CACNA2D3: variants seen among roughly 807,000 people sequenced by gnomAD.
CACNA2D3 encodes calcium voltage-gated channel auxiliary subunit alpha2delta 3.
CACNA2D3 carries 60 observed loss-of-function variants against 160.6 expected under a neutral mutation model. The ratio of observed to expected loss-of-function variants is 0.37; its 90% CI spans 0.30 to 0.46. The LOEUF (loss-of-function observed/expected upper bound fraction) is 0.46. CACNA2D3 is among the 20% of genes least tolerant of loss of function. The pLI is 1.00. For missense variants in CACNA2D3, 1,205 were observed against 1,365.0 expected (o/e 0.88, Z 1.85); for synonymous variants, 558 against 492.9 (o/e 1.13, Z -1.75).
chr3:54,841,514 C>A (rs1273837220), intron 16 of CACNA2D3, among the ~76,000 whole-genome samples: 2 of 152,202 alleles, frequency 1.3e-5, no homozygotes, highest in African/African-American at 2.4e-5. Flanking sequence ...CAGCCAGGGA[C>A]AGCCATGGCC....
intron 18 of CACNA2D3, among the ~76,000 whole-genome samples, chr3:54,872,739 T>C (rs969834459): frequency 2.0e-5 from 3 of 152,226 alleles, no homozygotes; most frequent in African/African-American, 7.2e-5. Flanking sequence ...TTCTTCTTCA[T>C]CTGCTCTAAG....
At chr3:54,562,737 G>A (rs1702347297) in intron 5 of CACNA2D3, 63 bp from the exon 6 acceptor site, 4 of 1,449,086 alleles carry the variant, frequency 2.8e-6, no homozygotes, top group African/African-American at 2.8e-5. Flanking sequence ...AGCGTGGGAT[G>A]CCAGGAATTT....
chr3:54,868,474 A>G (rs954825523), intron 17 of CACNA2D3, among the ~76,000 whole-genome samples: 1 of 152,176 alleles, frequency 6.6e-6, no homozygotes, highest in Non-Finnish European at 1.5e-5. Context: ...CATTCCAAGT[A>G]TCTTGAATAC....
chr3:54,122,636 C>T lies in CACNA2D3; in HGVS notation c.-78C>T. 2 of 955,978 alleles carry T rather than the reference C, an allele frequency of 2.1e-6. No homozygotes were observed. The highest frequency in any genetic ancestry group is 1.8e-5 in the African/African-American group (1 of 55,826). 59.2% of individuals were successfully genotyped at this position (955,978 alleles called of 1,614,324 possible). ...AGCGGAGCAGGCAGCCCCGCGCGCTCGCCCACCGCCCGCTCCGCGCAGCTC... is the reference window on the plus strand; with the variant it reads ...AGCGGAGCAGGCAGCCCCGCGCGCTTGCCCACCGCCCGCTCCGCGCAGCTC... On this transcript the variant is annotated 5_prime_UTR_variant, in exon 1 of 38. Coordinates refer to ENST00000474759, the MANE Select transcript of CACNA2D3 (RefSeq NM_018398.3).
At chr3:54,470,227 G>C (rs765901190) in intron 4 of CACNA2D3, among the ~76,000 whole-genome samples, 3 of 152,194 alleles carry the variant, frequency 2.0e-5, no homozygotes, top group Non-Finnish European at 2.9e-5. Context: ...AATAACAGCA[G>C]ATCTCTCTGC....
At chr3:54,445,841 G>T (rs917602150) in intron 4 of CACNA2D3, among the ~76,000 whole-genome samples, 1 of 152,160 alleles carries the variant, frequency 6.6e-6, no homozygotes, top group Non-Finnish European at 1.5e-5. Flanking sequence ...CCACTCCCTT[G>T]TTCTAGGAGG....
chr3:54,699,804 A>G (rs1184203005), intron 11 of CACNA2D3, among the ~76,000 whole-genome samples: 2 of 152,172 alleles, frequency 1.3e-5, no homozygotes, highest in African/African-American at 2.4e-5. Context: ...AAAGTACTTA[A>G]TATGTGCTAA....
At chr3:54,760,534 A>G (rs1417507665) in intron 12 of CACNA2D3, among the ~76,000 whole-genome samples, 1 of 152,170 alleles carries the variant, frequency 6.6e-6, no homozygotes, top group Non-Finnish European at 1.5e-5. Context: ...TCAACCAGGA[A>G]GATGATGATT....
Position 54,731,355 on chromosome 3 carries a change from G to A in CACNA2D3, c.1168-21244G>A, listed in dbSNP as rs560189576. 5.8e-4 allele frequency among the ~76,000 whole-genome samples: 89 copies of A among 152,296 alleles called. 1 individual carries two copies. Among genetic ancestry groups the A allele is most frequent in the Non-Finnish European group, 4.3e-4 (29 of 68,026 alleles). On this transcript the variant is annotated intron_variant, in intron 11 of 37. Transcript: ENST00000474759. The stretch of plus-strand genomic sequence containing the variant: ...TGGCATGGATAATTGACACTTGACT[G>A]TATCCTTCTCATTCACTAGGTTCTT...
At chr3:54,225,873 C>G (rs1174391803) in intron 2 of CACNA2D3, among the ~76,000 whole-genome samples, 4 of 151,914 alleles carry the variant, frequency 2.6e-5, no homozygotes, top group Non-Finnish European at 5.9e-5. Context: ...GCCAGGGTCT[C>G]TGCATTGATA....
chr3:54,286,997 G>T (rs1043038960), intron 2 of CACNA2D3, among the ~76,000 whole-genome samples: 7 of 152,098 alleles, frequency 4.6e-5, no homozygotes, highest in Non-Finnish European at 7.3e-5. Flanking sequence ...AGACCATCAA[G>T]GCTAGGAAGA....
intron 11 of CACNA2D3, among the ~76,000 whole-genome samples, chr3:54,717,521 T>C (rs1387820702): frequency 1.3e-5 from 2 of 151,294 alleles, no homozygotes; most frequent in African/African-American, 4.9e-5. Flanking sequence ...TGCGTGTGTG[T>C]GTGTGGTGTG....
At chr3:54,317,164 T>C (rs898259519) in intron 2 of CACNA2D3, among the ~76,000 whole-genome samples, 1 of 152,208 alleles carries the variant, frequency 6.6e-6, no homozygotes. Flanking sequence ...CCAAAGATAT[T>C]GGCTTCCATT....
At chr3:55,024,796 A>G (rs575331374) in intron 35 of CACNA2D3, among the ~76,000 whole-genome samples, 2 of 152,300 alleles carry the variant, frequency 1.3e-5, no homozygotes, top group African/African-American at 4.8e-5. Context: ...AAATGTGAAT[A>G]TTTCTTTCCA....
At chr3:54,791,623 A>T (rs1006040963) in intron 13 of CACNA2D3, among the ~76,000 whole-genome samples, 4 of 152,202 alleles carry the variant, frequency 2.6e-5, no homozygotes, top group African/African-American at 9.6e-5. Context: ...GGTTTATTCA[A>T]TTAAAAGGAC....
At chr3:55,026,114 T>A (rs1703559714) in intron 35 of CACNA2D3, among the ~76,000 whole-genome samples, 1 of 152,142 alleles carries the variant, frequency 6.6e-6, no homozygotes, top group Non-Finnish European at 1.5e-5. Flanking sequence ...CCCCCACACC[T>A]GCCCTCCTCT....
intron 27 of CACNA2D3, chr3:54,924,749 A>C (rs1410408808): frequency 6.2e-7 from 1 of 1,614,136 alleles, no homozygotes. Context: ...CAAGCTGCTG[A>C]AGCTGGTTTT....
At chr3:54,158,599 T>C (rs1184174672) in intron 2 of CACNA2D3, among the ~76,000 whole-genome samples, 1 of 152,226 alleles carries the variant, frequency 6.6e-6, no homozygotes, top group Non-Finnish European at 1.5e-5. Context: ...CCCTTAGTTT[T>C]TCAGGGCTAA....
chr3:54,886,085 T>TC (rs1401375969), intron 23 of CACNA2D3, among the ~76,000 whole-genome samples: 1 of 151,958 alleles, frequency 6.6e-6, no homozygotes, highest in Non-Finnish European at 1.5e-5. Flanking sequence ...GAGTAGGAAA[T>TC]CTCTCAGCTG....
Sources: gnomAD v4.1 joint callset for allele counts (sites outside exome capture counted in the v4.1 genomes callset) on GRCh38, gnomAD v4.1.1 for gene constraint, MANE v1.5 for transcripts, NCBI Gene and HGNC (gene_info 2026-07-23, HGNC 2026-07-21) for gene names.